Variants in PRRC2B observed in about 807,000 individuals in gnomAD.
The protein encoded by PRRC2B is protein PRRC2B.
PRRC2B carries 68 observed loss-of-function variants against 242.3 expected under a neutral mutation model. The observed-to-expected ratio is 0.28, with a 90% CI of 0.23 to 0.34. The LOEUF is 0.34. Ranked by LOEUF, PRRC2B falls within the 10% of genes least tolerant of loss-of-function variation. The probability of loss-of-function intolerance (pLI) is 1.00; values close to 1 mark genes in which losing one functional copy is unlikely to be tolerated. For missense variants in PRRC2B, 2,835 were observed against 2,954.8 expected, an observed-to-expected ratio of 0.96 and a Z score of 0.94; for synonymous variants, 1,228 against 1,173.6, an observed-to-expected ratio of 1.05 and a Z score of -0.95.
chr9:131,487,104 A>AG lies in PRRC2B; in HGVS notation c.5857-59dup. 6.6e-7 allele frequency: 1 copy of AG among 1,515,228 alleles called. No homozygotes were observed. The highest frequency in any genetic ancestry group is 9.1e-7 in the Non-Finnish European group (1 of 1,098,318). 93.9% of individuals were successfully genotyped at this position (1,515,228 alleles called of 1,614,324 possible). On this transcript the variant is annotated intron_variant, in intron 26 of 31. Coordinates refer to ENST00000683519, the MANE Select transcript of PRRC2B (RefSeq NM_013318.4). This position sits in a 1 kb window ranked among gnomAD's most constrained non-coding sequence, Gnocchi z 5.3. ...TGTGGAGAGGGGCAGGGGAGGTGGGAGGGGAAGAACCACCTGGATGGGCCT... is the reference window on the plus strand; with the variant it reads ...TGTGGAGAGGGGCAGGGGAGGTGGGAGGGGGAAGAACCACCTGGATGGGCCT...
Position 131,420,500 on chromosome 9 carries a change from T to C in PRRC2B, c.-51-9594T>C, listed in dbSNP as rs1388443287. Among the ~76,000 whole-genome samples the C allele has an allele frequency of 1.0e-3, 96 of 96,296 alleles. 3 individuals carry two copies. Among genetic ancestry groups the C allele is most frequent in the East Asian group, 1.3e-3 (5 of 3,852 alleles). The allele number at this position is 96,296 out of a possible 152,430, so 63.2% of individuals were successfully genotyped here. A position where few individuals can be genotyped will look rare whatever the true frequency, so the allele number is the denominator to read the frequency against. ...TTCTTTCTTTCTTTCTTTCTTTTTT[T>C]TTTTTTTTTTGAGATGGAGGCTCCC... On this transcript the variant is annotated intron_variant, in intron 1 of 31. Transcript: ENST00000683519.
chr9:131,495,749 C>T lies in PRRC2B; in HGVS notation c.6565C>T (p.Arg2189Ter), dbSNP rs1222497438. The change falls in exon 32 of 32, where the codon CGA (arginine) becomes TGA (stop). Residue 2189 changes from arginine to a stop codon, truncating the protein, a stop_gained. Coordinates refer to ENST00000683519, the MANE Select transcript of PRRC2B (RefSeq NM_013318.4). LOFTEE classifies it high-confidence loss of function. ...QGHYVQQAKQ[R>*]VDEKPSLGAV... ...ATTCATCTGTCCAAAGGCAAAACAA[C>T]GAGTGGATGAGAAACCCAGCCTGGG... 3 of 1,610,998 alleles carry T rather than the reference C, an allele frequency of 1.9e-6. No individual in the cohort carries two copies. The highest frequency in any genetic ancestry group is 1.7e-6 in the Non-Finnish European group (2 of 1,177,422).
chr9:131,419,002 A>AT (rs200151660), intron 1 of PRRC2B, among the ~76,000 whole-genome samples: 1,530 of 152,046 alleles, frequency 0.01, 23 homozygotes, highest in Non-Finnish European at 0.013. Flanking sequence ...CTTTTCTGTA[A>AT]TTTTTTTTAA....
chr9:131,446,514 T>C lies in PRRC2B; in HGVS notation c.727T>C (p.Ser243Pro). 2 of 1,613,838 alleles carry C rather than the reference T, an allele frequency of 1.2e-6. No homozygotes were observed. Among genetic ancestry groups the C allele is most frequent in the Non-Finnish European group, 1.7e-6 (2 of 1,179,852 alleles). The change falls in exon 7 of 32, where the codon TCC (serine) becomes CCC (proline). Residue 243 changes from serine to proline, a missense_variant. Coordinates refer to ENST00000683519, the MANE Select transcript of PRRC2B (RefSeq NM_013318.4). The surrounding 1 kb of genome is among the most constrained non-coding windows in gnomAD (Gnocchi z 4.1). ...RNSSTGDGAP[S>P]SACTSDSKDP... is the part of the protein sequence containing the mutation. Reference sequence around the variant, plus strand: ...CTCGAGTACGGGAGATGGAGCCCCCTCCTCGGCATGTACCAGCGATTCTAA... The same window carrying C: ...CTCGAGTACGGGAGATGGAGCCCCCCCCTCGGCATGTACCAGCGATTCTAA...
chr9:131,484,655 T>C, intron 23 of PRRC2B, 31 bp from the exon 24 acceptor site: 1 of 1,552,712 alleles, frequency 6.4e-7, no homozygotes, highest in African/African-American at 1.4e-5. Flanking sequence ...CACCTGTTTG[T>C]GTTCCATGGT....
intron 14 of PRRC2B, among the ~76,000 whole-genome samples, chr9:131,472,476 T>C (rs2131440481): frequency 7.1e-6 from 1 of 141,348 alleles, no homozygotes; most frequent in East Asian, 2.0e-4. Flanking sequence ...AGCTAATTTT[T>C]TTTTTTTTTT....
At chr9:131,461,752 G>T (rs898146799) in intron 11 of PRRC2B, among the ~76,000 whole-genome samples, 27 of 152,132 alleles carry the variant, frequency 1.8e-4, no homozygotes, top group African/African-American at 6.3e-4. Flanking sequence ...TGTTGGCCAG[G>T]CTGATCTACC....
chr9:131,389,009 T>A (rs113950065), intron 1 of PRRC2B, among the ~76,000 whole-genome samples: 28 of 143,534 alleles, frequency 2.0e-4, no homozygotes, highest in African/African-American at 6.6e-4. Flanking sequence ...CCTGGCAAAT[T>A]TTTTGTATTT....
chr9:131,424,202 A>G (rs1213767223), intron 1 of PRRC2B, among the ~76,000 whole-genome samples: 1 of 152,162 alleles, frequency 6.6e-6, no homozygotes, highest in Non-Finnish European at 1.5e-5. Flanking sequence ...TCAGCTCCCC[A>G]AAGTGCTGGG....
intron 11 of PRRC2B, 113 bp from the exon 12 acceptor site, chr9:131,464,650 C>T: frequency 1.1e-6 from 1 of 933,316 alleles, no homozygotes; most frequent in Non-Finnish European, 1.6e-6. Flanking sequence ...GCCTGTGCTG[C>T]CTCTTGAAGG....
intron 1 of PRRC2B, among the ~76,000 whole-genome samples, chr9:131,427,285 A>G (rs1035160068): frequency 6.6e-6 from 1 of 151,976 alleles, no homozygotes; most frequent in Non-Finnish European, 1.5e-5. Flanking sequence ...CCTGTTTGTA[A>G]TCGATTTTCA....
intron 1 of PRRC2B, among the ~76,000 whole-genome samples, chr9:131,375,392 C>T (rs1444615137): frequency 6.6e-6 from 1 of 151,674 alleles, no homozygotes; most frequent in East Asian, 1.9e-4. Flanking sequence ...GAGCAAGACT[C>T]TGTCTCAAAA....
At chr9:131,444,116 T>G in intron 5 of PRRC2B, 69 bp from the exon 6 acceptor site, 1 of 1,565,526 alleles carries the variant, frequency 6.4e-7, no homozygotes, top group Non-Finnish European at 8.8e-7. Flanking sequence ...TTTCAAGGTG[T>G]GGAGCTGGGA....
intron 1 of PRRC2B, among the ~76,000 whole-genome samples, chr9:131,381,666 G>A (rs968366021): frequency 4.1e-4 from 63 of 151,916 alleles, no homozygotes; most frequent in Admixed American, 1.6e-3. Flanking sequence ...TGATCTGCCT[G>A]CCTCGGCCTC....
At chr9:131,483,695 G>A (rs781594474) in intron 23 of PRRC2B, among the ~76,000 whole-genome samples, 9 of 152,198 alleles carry the variant, frequency 5.9e-5, no homozygotes, top group Non-Finnish European at 7.3e-5. Flanking sequence ...TGTGCCAGGT[G>A]CGAGCCCAGA....
rs368821312 is a variant in PRRC2B at position 131,474,927 on chromosome 9, C to A, written c.2798C>A (p.Thr933Lys). The A allele has an allele frequency of 1.3e-6, 2 of 1,594,446 alleles. No individual in the cohort carries two copies. The highest frequency in any genetic ancestry group is 1.7e-6 in the Non-Finnish European group (2 of 1,171,000). ...TCCAGCAGCCAGCACCCGGAGCAGA[C>A]GGGCAGGACCCGGAGGTCGGGACCC... ...RSSSSQHPEQ[T>K]GRTRRSGPIK... Residue 933 changes from threonine to lysine, a missense_variant, in exon 16 of 32, where the codon ACG becomes AAG. By Grantham distance (78) the Thr-to-Lys change is moderately conservative (BLOSUM62 -1). Coordinates refer to ENST00000683519, the MANE Select transcript of PRRC2B (RefSeq NM_013318.4).
In PRRC2B at chr9:131,499,515, T is replaced by G. The variant is rs1944413374; in HGVS notation, c.*3641T>G. The G allele has an allele frequency of 6.6e-6, 1 of 152,162 alleles. No homozygotes were observed. The highest frequency in any genetic ancestry group is 1.5e-5 in the Non-Finnish European group (1 of 68,042). The allele number at this position is 152,162 out of a possible 1,614,324, so 9.4% of individuals were successfully genotyped here. ...AAACGTAGGCTTCCAGAAAGCCAGC[T>G]CTCTTCTGAAATGTGACGGACCTAA... is the stretch of plus-strand genomic sequence containing the variant. On this transcript the variant is annotated 3_prime_UTR_variant, in exon 32 of 32. Coordinates refer to ENST00000683519, the MANE Select transcript of PRRC2B (RefSeq NM_013318.4).
intron 1 of PRRC2B, among the ~76,000 whole-genome samples, chr9:131,397,114 CT>C (rs1294323554): frequency 5.3e-5 from 8 of 152,208 alleles, no homozygotes; most frequent in African/African-American, 1.9e-4. Context: ...TTGGCCCTTC[CT>C]TTTTGTCTGA....
At chr9:131,426,183 C>G (rs1281857853) in intron 1 of PRRC2B, among the ~76,000 whole-genome samples, 1 of 151,406 alleles carries the variant, frequency 6.6e-6, no homozygotes, top group East Asian at 1.9e-4. Flanking sequence ...ACTGAAAATA[C>G]AAAAATTAGC....
Sources: allele counts gnomAD v4.1 joint callset (sites outside exome capture counted in the v4.1 genomes callset), GRCh38; gene constraint gnomAD v4.1.1; non-coding constraint Gnocchi (gnomAD v3.1); transcripts MANE v1.5; gene names NCBI Gene and HGNC (gene_info 2026-07-23, HGNC 2026-07-21).